The following IBTK variants were observed in gnomAD, a reference collection of about 807,000 sequenced individuals.
IBTK encodes BTK-binding protein.
A neutral mutation model predicts 154.9 loss-of-function variants in IBTK; 83 were observed. The ratio of observed to expected loss-of-function variants is 0.54; its 90% CI spans 0.45 to 0.64. IBTK has a LOEUF of 0.64. IBTK is among the 30% of genes least tolerant of loss of function. The probability of loss-of-function intolerance (pLI) is 0.00; values close to 1 mark genes in which losing one functional copy is unlikely to be tolerated. For synonymous variants in IBTK, 515 were observed against 536.1 expected (o/e 0.96, Z 0.54); for missense variants, 1,332 against 1,584.6 (o/e 0.84, Z 2.71).
chr6:82,197,093 G>GT (rs1223653765), intron 21 of IBTK, among the ~76,000 whole-genome samples: 1 of 152,116 alleles, frequency 6.6e-6, no homozygotes, highest in Non-Finnish European at 1.5e-5. Flanking sequence ...GCCACACCTG[G>GT]TATCCAGGTT....
rs753094254 is a variant in IBTK, at chr6:82,220,704, G to A, written c.1134C>T (p.Asn378=). ...QCKKMASKQL[N]LKKVLVSGGH... ...CCCCAGACACAAGAACTTTTTTCAA[G>A]TTCAACTGTCTAGATGAAAAAAAAA... The change falls in exon 9 of 29, where the codon AAC becomes AAT. Residue 378 remains asparagine (N), a synonymous_variant. Transcript: ENST00000306270. The A allele has an allele frequency of 1.3e-6, 2 of 1,553,876 alleles. No individual in the cohort carries two copies. Among genetic ancestry groups the A allele is most frequent in the South Asian group, 1.2e-5 (1 of 83,768 alleles).
At chr6:82,216,453 G>T (rs1017688282) in intron 10 of IBTK, among the ~76,000 whole-genome samples, 2 of 152,088 alleles carry the variant, frequency 1.3e-5, no homozygotes, top group African/African-American at 4.8e-5. Flanking sequence ...ATTTTTGGTG[G>T]ATGGATTCTC....
chr6:82,178,835 G>C (rs1237468142), intron 26 of IBTK, among the ~76,000 whole-genome samples: 1 of 152,214 alleles, frequency 6.6e-6, no homozygotes, highest in Non-Finnish European at 1.5e-5. Context: ...CTGTCAAAGA[G>C]TAAGGAGGTG....
chr6:82,197,520 C>A (rs1005279882), intron 21 of IBTK, among the ~76,000 whole-genome samples: 2 of 152,066 alleles, frequency 1.3e-5, no homozygotes, highest in African/African-American at 4.8e-5. Flanking sequence ...CAGGCATGCA[C>A]CACCATGCCC....
chr6:82,203,424 G>C (rs7757424), intron 17 of IBTK, among the ~76,000 whole-genome samples: 3,154 of 152,134 alleles, frequency 0.021, 121 homozygotes, highest in African/African-American at 0.07. Context: ...CTGGCTTCTT[G>C]CATTTCTTTT....
At chr6:82,184,267 C>T (rs1195279126) in intron 25 of IBTK, among the ~76,000 whole-genome samples, 1 of 152,116 alleles carries the variant, frequency 6.6e-6, no homozygotes. Flanking sequence ...GACATTTGTA[C>T]CTGCATAAAA....
Position 82,170,036 on chromosome 6 carries a change from T to C in IBTK, c.*1389A>G, listed in dbSNP as rs1413151311. Reference sequence around the variant, plus strand: ...CAACATCAATAGAACATTTATAAAATTCATTTCTCAATTTACTCAAACACA... The same window carrying C: ...CAACATCAATAGAACATTTATAAAACTCATTTCTCAATTTACTCAAACACA... On this transcript the variant is annotated 3_prime_UTR_variant, in exon 29 of 29. Coordinates refer to ENST00000306270, the MANE Select transcript of IBTK (RefSeq NM_015525.4). The C allele has an allele frequency of 2.6e-5, 4 of 152,214 alleles. No individual in the cohort carries two copies. Among genetic ancestry groups the C allele is most frequent in the African/African-American group, 9.6e-5 (4 of 41,456 alleles). 9.4% of individuals were successfully genotyped at this position (152,214 alleles called of 1,614,324 possible). A position where few individuals can be genotyped will look rare whatever the true frequency, so the allele number is the denominator to read the frequency against.
chr6:82,214,916 A>T, intron 11 of IBTK, 87 bp from the exon 12 acceptor site: 1 of 1,391,896 alleles, frequency 7.2e-7, no homozygotes, highest in Non-Finnish European at 9.6e-7. Context: ...TTAAAATGCA[A>T]TTTTTTTAAC....
intron 8 of IBTK, 120 bp downstream of exon 8, chr6:82,223,320 C>T (rs1001546083): frequency 2.8e-6 from 2 of 710,096 alleles, no homozygotes; most frequent in African/African-American, 3.7e-5. Context: ...TGATGTTTTT[C>T]CTCATTCAAT....
At chr6:82,227,012 C>T (rs909680874) in intron 5 of IBTK, among the ~76,000 whole-genome samples, 180 bp downstream of exon 5, 1 of 152,038 alleles carries the variant, frequency 6.6e-6, no homozygotes, top group African/African-American at 2.4e-5. Context: ...AATCCTTTTG[C>T]ATTGTATGTA....
intron 13 of IBTK, 121 bp from the exon 14 acceptor site, chr6:82,211,693 A>G: frequency 1.4e-6 from 1 of 715,708 alleles, no homozygotes. Flanking sequence ...AATAACTTGC[A>G]GGAATACATA....
At position 82,211,491 on chromosome 6, in the gene IBTK, A is replaced by G; in HGVS notation, c.2373T>C (p.Leu791=). The G allele has an allele frequency of 6.2e-7, 1 of 1,612,524 alleles. No individual in the cohort carries two copies. The highest frequency in any genetic ancestry group is 1.1e-5 in the South Asian group (1 of 91,040). The change falls in exon 14 of 29, where the codon CTT becomes CTC. Residue 791 remains leucine (L), a splice_region_variant and synonymous_variant. Transcript: ENST00000306270. ...AGCAGCTTTAAAAAGTGCACCTACC[A>G]AGTCTAGCACAAAGAACACATTTAT... The part of the protein sequence containing the change: ...PCHKCVLCAR[L]EYFHSMLSSS...
intron 19 of IBTK, 45 bp from the exon 20 acceptor site, chr6:82,200,753 GTTTTTTTTTTT>G (rs138809525): frequency 5.1e-4 from 202 of 393,312 alleles, no homozygotes; most frequent in African/African-American, 2.0e-3. Context: ...AATCTGTGAA[GTTTTTTTTTTT>G]TTTTTTTTTT....
rs746585070 is a variant in IBTK, at chr6:82,214,604, A to T, written c.1827T>A (p.Asp609Glu). 6.2e-7 allele frequency: 1 copy of T among 1,614,100 alleles called. No homozygotes were observed. The highest frequency in any genetic ancestry group is 1.1e-5 in the South Asian group (1 of 91,076). Residue 609 changes from aspartate to glutamate, a missense_variant, in exon 12 of 29, where the codon GAT (aspartate) becomes GAA (glutamate). Asp to Glu is a conservative substitution (Grantham distance 45, BLOSUM62 2). Around this residue, in one of 3 missense-constraint regions of IBTK, gnomAD observed 1,134 missense variants for 1,274.7 expected, o/e 0.89. Transcript: ENST00000306270. ...TSEFTDIYQK[D>E]EDSAGCHLFV... The stretch of plus-strand genomic sequence containing the variant: ...AGAGATGGCACCCTGCAGAATCTTC[A>T]TCTTTCTGGTAAATATCTGTAAATT...
intron 9 of IBTK, among the ~76,000 whole-genome samples, chr6:82,218,951 A>C (rs1317023852): frequency 1.3e-5 from 2 of 152,214 alleles, no homozygotes. Flanking sequence ...TGGTTTTCTT[A>C]ATGAGACTCT....
At chr6:82,187,292 T>G (rs934711293) in intron 25 of IBTK, among the ~76,000 whole-genome samples, 2 of 152,190 alleles carry the variant, frequency 1.3e-5, no homozygotes, top group Non-Finnish European at 2.9e-5. Context: ...TCTTCCCATC[T>G]TTCTAGAATT....
chr6:82,201,391 A>G, intron 19 of IBTK, 31 bp downstream of exon 19: 1 of 1,523,220 alleles, frequency 6.6e-7, no homozygotes, highest in Non-Finnish European at 9.0e-7. Flanking sequence ...GTAATATTAT[A>G]GCCGCGAAAA....
intron 2 of IBTK, among the ~76,000 whole-genome samples, chr6:82,239,257 C>T (rs1023120950): frequency 7.3e-5 from 11 of 151,498 alleles, no homozygotes; most frequent in South Asian, 2.1e-4. Context: ...CTGGCTAACA[C>T]GGTGAAACCC....
At position 82,238,243 on chromosome 6, in the gene IBTK, CA is replaced by C. The variant is rs896670375; in HGVS notation, c.321+1922del. 1.0e-3 allele frequency among the ~76,000 whole-genome samples: 145 copies of C among 144,766 alleles called. 1 individual carries two copies. The highest frequency in any genetic ancestry group is 3.6e-4 in the Non-Finnish European group (24 of 66,146). The allele number at this position is 144,766 out of a possible 152,430, so 95.0% of individuals were successfully genotyped here. A position where few individuals can be genotyped will look rare whatever the true frequency, so the allele number is the denominator to read the frequency against. ...TGGGTAACAAAGCAAGACTCCGTCG[CA>C]AAAAAAAATAATAATAAAAATAAAA... is the stretch of plus-strand genomic sequence containing the variant. On this transcript the variant is annotated intron_variant, in intron 2 of 28. Coordinates refer to ENST00000306270, the MANE Select transcript of IBTK (RefSeq NM_015525.4).
Sources: allele counts gnomAD v4.1 joint callset (sites outside exome capture counted in the v4.1 genomes callset), GRCh38; gene constraint gnomAD v4.1.1; regional missense constraint gnomAD v4.1.1; transcripts MANE v1.5; gene names NCBI Gene and HGNC (gene_info 2026-07-23, HGNC 2026-07-21).